LRCH4: variants seen among roughly 807,000 people sequenced by gnomAD.
LRCH4 encodes leucine-rich repeat and calponin homology domain-containing protein 4.
A neutral mutation model predicts 81.2 loss-of-function variants in LRCH4; 56 were observed. The observed-to-expected ratio is 0.69, with a 90% CI of 0.56 to 0.86. LRCH4 has a LOEUF of 0.86. Ranked by LOEUF, LRCH4 falls within the 40% of genes least tolerant of loss-of-function variation. The probability of loss-of-function intolerance (pLI) is 0.00; values close to 1 mark genes in which losing one functional copy is unlikely to be tolerated. For synonymous variants in LRCH4, 442 were observed against 409.7 expected (o/e 1.08, Z -0.95); for missense variants, 895 against 922.8 (o/e 0.97, Z 0.39).
At chr7:100,581,670 G>A in intron 4 of LRCH4, 107 bp downstream of exon 4, 1 of 868,594 alleles carries the variant, frequency 1.2e-6, no homozygotes, top group South Asian at 1.6e-5. Flanking sequence ...AAAAATGAAT[G>A]CCTGCCATGT....
At chr7:100,576,498 A>C in intron 14 of LRCH4, 175 bp from the exon 15 acceptor site, 1 of 668,042 alleles carries the variant, frequency 1.5e-6, no homozygotes, top group South Asian at 1.9e-5. Flanking sequence ...TCCTGGGCTC[A>C]AGCGATCCTC....
chr7:100,578,768 A>C lies in LRCH4; in HGVS notation c.617T>G (p.Leu206Arg), dbSNP rs1801449478. The C allele has an allele frequency of 6.2e-7, 1 of 1,613,508 alleles. No homozygotes were observed. Among genetic ancestry groups the C allele is most frequent in the Non-Finnish European group, 8.5e-7 (1 of 1,179,994 alleles). Residue 206 changes from leucine (L) to arginine (R), a missense_variant, in exon 5 of 18, where the codon CTG (leucine) becomes CGG (arginine). Physicochemically the swap from Leu to Arg is moderately radical, Grantham distance 102. Coordinates refer to ENST00000310300, the MANE Select transcript of LRCH4 (RefSeq NM_002319.5). The surrounding 1 kb of genome is among the most constrained non-coding windows in gnomAD (Gnocchi z 5.7). ...TLPEELGDLP[L>R]VRLDFSCNRV... is the part of the protein sequence containing the mutation. ...GTTACAGGAGAAATCCAGGCGGACC[A>C]GAGGGAGGTCCCCCAGCTCTGGAAC...
chr7:100,575,139 A>G lies in LRCH4; in HGVS notation c.2020T>C (p.Tyr674His). ...CCCAGGAGCCGAGTGTAGGTGACAT[A>G]GAGCAGCAGCATGAGGACCACGTAG... ...VFYVVLMLLL[Y>H]VTYTRLLGS is the part of the protein sequence containing the mutation. The change falls in exon 18 of 18, where the codon TAT (tyrosine) becomes CAT (histidine). Residue 674 changes from tyrosine to histidine, a missense_variant. Physicochemically the swap from Tyr to His is moderately conservative, Grantham distance 83. Coordinates refer to ENST00000310300, the MANE Select transcript of LRCH4 (RefSeq NM_002319.5). This position sits in a 1 kb window ranked among gnomAD's most constrained non-coding sequence, Gnocchi z 5.3. The G allele has an allele frequency of 6.2e-7, 1 of 1,612,864 alleles. No individual in the cohort carries two copies.
chr7:100,577,887 G>A lies in LRCH4; in HGVS notation c.974C>T (p.Ser325Leu). 6.2e-7 allele frequency: 1 copy of A among 1,614,080 alleles called. No individual in the cohort carries two copies. Among genetic ancestry groups the A allele is most frequent in the Non-Finnish European group, 8.5e-7 (1 of 1,179,920 alleles). Residue 325 changes from serine to leucine, a missense_variant, in exon 8 of 18, where the codon TCA becomes TTA. This residue lies in a region of LRCH4 where 529 missense variants were observed against 504.9 expected (regional missense o/e 1.05). Coordinates refer to ENST00000310300, the MANE Select transcript of LRCH4 (RefSeq NM_002319.5). The surrounding 1 kb of genome is among the most constrained non-coding windows in gnomAD (Gnocchi z 6.7). The stretch of plus-strand genomic sequence containing the variant: ...CCGGGCCAGCTCTGAGATCCGGAAT[G>A]ACAGCTCTGAAAATTCATCTGTTGA... ...NESTDEFSEL[S>L]FRISELAREP... is the part of the protein sequence containing the mutation.
chr7:100,585,977 C>A lies in LRCH4; in HGVS notation c.124G>T (p.Val42Leu). 6.2e-7 allele frequency: 1 copy of A among 1,612,008 alleles called. No homozygotes were observed. The highest frequency in any genetic ancestry group is 8.5e-7 in the Non-Finnish European group (1 of 1,178,910). Residue 42 changes from valine to leucine, a missense_variant, in exon 1 of 18, where the codon GTG (valine) becomes TTG (leucine). By Grantham distance (32) the Val-to-Leu change is conservative. Around this residue, in one of 3 missense-constraint regions of LRCH4, gnomAD observed 360 missense variants for 397.0 expected, o/e 0.91. Coordinates refer to ENST00000310300, the MANE Select transcript of LRCH4 (RefSeq NM_002319.5). ...GACAGGTTCAGGGTCCCGGTGGCCA[C>A]GGCCTCCTCTAGGGCCCGCTCTGCA... ...RSAERALEEA[V>L]ATGTLNLSNR... is the part of the protein sequence containing the mutation.
At chr7:100,585,648 A>C (rs1423993314) in intron 1 of LRCH4, among the ~76,000 whole-genome samples, 1 of 152,042 alleles carries the variant, frequency 6.6e-6, no homozygotes, top group African/African-American at 2.4e-5. Flanking sequence ...GAAAGGAGGA[A>C]TCTCTCCCAA....
chr7:100,575,780 T>C lies in LRCH4; in HGVS notation c.1779A>G (p.Pro593=). Reference sequence around the variant, plus strand: ...TCCGAGCCTTGAGGGCACTGAGTTTTGGCTGGGGTGGGTGAAAGAAGAAAA... The same window carrying C: ...TCCGAGCCTTGAGGGCACTGAGTTTCGGCTGGGGTGGGTGAAAGAAGAAAA... The part of the protein sequence containing the change: ...PFIHVPSPAV[P]KLSALKARKN... Residue 593 remains proline (P), a splice_region_variant and synonymous_variant, in exon 17 of 18, where the codon CCA becomes CCG. Transcript: ENST00000310300. The surrounding 1 kb of genome is among the most constrained non-coding windows in gnomAD (Gnocchi z 5.3). 6.2e-7 allele frequency: 1 copy of C among 1,608,298 alleles called. No homozygotes were observed. The highest frequency in any genetic ancestry group is 1.7e-4 in the Middle Eastern group (1 of 6,038).
rs535611537 is a variant in LRCH4, at chr7:100,583,414, C to T, written c.221-955G>A. Reference sequence around the variant, plus strand: ...AACGGCTTAGACCTGGAGAAGCCTGCCTTTCTGTTTCCTCGGCCCAGCCTG... The same window carrying T: ...AACGGCTTAGACCTGGAGAAGCCTGTCTTTCTGTTTCCTCGGCCCAGCCTG... On this transcript the variant is annotated intron_variant, in intron 1 of 17. Coordinates refer to ENST00000310300, the MANE Select transcript of LRCH4 (RefSeq NM_002319.5). This position sits in a 1 kb window ranked among gnomAD's most constrained non-coding sequence, Gnocchi z 4.3. Among the ~76,000 whole-genome samples, 3 of 152,294 alleles carry T rather than the reference C, an allele frequency of 2.0e-5. No individual in the cohort carries two copies. In the South Asian group the frequency reaches 6.2e-4, roughly 32 times the overall value.
Position 100,583,863 on chromosome 7 carries a change from CA to C in LRCH4, c.221-1405del, listed in dbSNP as rs1801635657. On this transcript the variant is annotated intron_variant, in intron 1 of 17. Coordinates refer to ENST00000310300, the MANE Select transcript of LRCH4 (RefSeq NM_002319.5). The surrounding 1 kb of genome is among the most constrained non-coding windows in gnomAD (Gnocchi z 4.3). Reference sequence around the variant, plus strand: ...ACGAAGGGGGTGGAGACCGAGTTCTCAGAGTTCTGATGGGGTAGGCGGTGGC... The same window carrying C: ...ACGAAGGGGGTGGAGACCGAGTTCTCGAGTTCTGATGGGGTAGGCGGTGGC... The C allele has an allele frequency of 3.5e-6, 1 of 282,386 alleles. No individual in the cohort carries two copies. Among genetic ancestry groups the C allele is most frequent in the Non-Finnish European group, 7.2e-6 (1 of 138,276 alleles). The allele number at this position is 282,386 out of a possible 1,614,324, so 17.5% of individuals were successfully genotyped here.
At chr7:100,584,907 C>T in intron 1 of LRCH4, 1 of 384,460 alleles carries the variant, frequency 2.6e-6, no homozygotes, top group Non-Finnish European at 5.2e-6. Context: ...AGTCCTCCTC[C>T]CTGATCCTGA....
Position 100,574,283 on chromosome 7 carries a change from G to A in LRCH4, c.*824C>T. The A allele has an allele frequency of 5.3e-6, 1 of 189,636 alleles. No homozygotes were observed. Among genetic ancestry groups the A allele is most frequent in the Non-Finnish European group, 1.1e-5 (1 of 87,246 alleles). 11.7% of individuals were successfully genotyped at this position (189,636 alleles called of 1,614,324 possible). A position where few individuals can be genotyped will look rare whatever the true frequency, so the allele number is the denominator to read the frequency against. Reference sequence around the variant, plus strand: ...CCGGTCCAGCAGGGCGTGGACGACAGCAGCGATGTAGGGGAGGCCCCTTCC... The same window carrying A: ...CCGGTCCAGCAGGGCGTGGACGACAACAGCGATGTAGGGGAGGCCCCTTCC... On this transcript the variant is annotated 3_prime_UTR_variant, in exon 18 of 18. Coordinates refer to ENST00000310300, the MANE Select transcript of LRCH4 (RefSeq NM_002319.5).
At chr7:100,585,307 G>A in intron 1 of LRCH4, 1 of 161,102 alleles carries the variant, frequency 6.2e-6, no homozygotes, top group Non-Finnish European at 1.4e-5. Context: ...AAAGAGTGAG[G>A]GGAGGTAGAG....
chr7:100,581,642 T>C, intron 4 of LRCH4, 135 bp downstream of exon 4: 1 of 727,836 alleles, frequency 1.4e-6, no homozygotes, highest in East Asian at 2.8e-5. Context: ...ATCCTGAACT[T>C]CAGCTTCCAG....
intron 4 of LRCH4, chr7:100,579,056 C>T: frequency 2.0e-6 from 1 of 500,530 alleles, no homozygotes. Flanking sequence ...AGGTCCCGCC[C>T]AGCCCTGTCT....
chr7:100,575,867 T>A lies in LRCH4; in HGVS notation c.1776+4A>T, dbSNP rs1251287305. ...CCCCCACCTCTTCCCCAGCCCCAAC[T>A]GACCACAGCAGGGGAGGGCACATGG... is the stretch of plus-strand genomic sequence containing the variant. On this transcript the variant is annotated splice_donor_region_variant and intron_variant, in intron 16 of 17. Transcript: ENST00000310300. The surrounding 1 kb of genome is among the most constrained non-coding windows in gnomAD (Gnocchi z 5.3). 3 of 1,613,130 alleles carry A rather than the reference T, an allele frequency of 1.9e-6. No homozygotes were observed. The South Asian group carries it at 3.3e-5, about 18-fold the overall frequency.
In LRCH4 at chr7:100,584,372, C is replaced by A. The variant is rs544868317; in HGVS notation, c.220+1509G>T. ...GGAAGCTGGGATTTCCGACCCCCCC[C>A]CAAGCTCACAGGAGCACGGCTGCAC... On this transcript the variant is annotated intron_variant, in intron 1 of 17. Transcript: ENST00000310300. Among the ~76,000 whole-genome samples the A allele has an allele frequency of 1.1e-4, 17 of 151,944 alleles. No homozygotes were observed. The East Asian group carries it at 2.3e-3, about 21-fold the overall frequency.
chr7:100,581,634 C>G (rs1801561870), intron 4 of LRCH4, 143 bp downstream of exon 4: 1 of 687,568 alleles, frequency 1.5e-6, no homozygotes, highest in Non-Finnish European at 2.5e-6. Context: ...GCACCCAGAT[C>G]CTGAACTTCA....
At position 100,578,286 on chromosome 7, in the gene LRCH4, G is replaced by C; in HGVS notation, c.849-28C>G. 1 of 1,608,526 alleles carries C rather than the reference G, an allele frequency of 6.2e-7. No homozygotes were observed. The highest frequency in any genetic ancestry group is 8.5e-7 in the Non-Finnish European group (1 of 1,174,930). On this transcript the variant is annotated intron_variant, in intron 6 of 17. Coordinates refer to ENST00000310300, the MANE Select transcript of LRCH4 (RefSeq NM_002319.5). The surrounding 1 kb of genome is among the most constrained non-coding windows in gnomAD (Gnocchi z 5.7). ...GGGGCCAGCCAGGCGGATCTGGTCA[G>C]CCTGATGCTGGACAACAGCCCCCCA...
Position 100,582,250 on chromosome 7 carries a change from T to C in LRCH4, c.365+65A>G. ...CATCCTCTCGGGGTCACTGGGTGGG[T>C]CACTCAGTAGTACTTGAGACTGAGA... On this transcript the variant is annotated intron_variant, in intron 2 of 17. Transcript: ENST00000310300. The surrounding 1 kb of genome is among the most constrained non-coding windows in gnomAD (Gnocchi z 5.0). 1.9e-6 allele frequency: 3 copies of C among 1,612,328 alleles called. No individual in the cohort carries two copies. The highest frequency in any genetic ancestry group is 1.7e-6 in the Non-Finnish European group (2 of 1,178,784).
Sources: gnomAD v4.1 joint callset for allele counts (sites outside exome capture counted in the v4.1 genomes callset) on GRCh38, gnomAD v4.1.1 for gene constraint, gnomAD v4.1.1 regional missense constraint, Gnocchi (gnomAD v3.1) non-coding constraint, MANE v1.5 for transcripts, NCBI Gene and HGNC (gene_info 2026-07-23, HGNC 2026-07-21) for gene names.